Variants in BABAM2 observed in about 807,000 individuals in gnomAD.
BABAM2 encodes the protein BRISC and BRCA1 A complex member 2.
Under a neutral mutation model 54.7 loss-of-function variants are expected in BABAM2, and 31 were observed. The ratio of observed to expected loss-of-function variants is 0.57; its 90% CI spans 0.43 to 0.77. The LOEUF is 0.77. Among genes scored for constraint, BABAM2 ranks in the 30% least tolerant of loss-of-function variants. The pLI, the probability that BABAM2 is intolerant of heterozygous loss-of-function variation, is 0.00. For missense variants in BABAM2, 364 were observed against 455.8 expected, an observed-to-expected ratio of 0.80 and a Z score of 1.83; for synonymous variants, 167 against 162.9, an observed-to-expected ratio of 1.03 and a Z score of -0.19.
chr2:28,262,565 G>A (rs142225161), intron 10 of BABAM2, among the ~76,000 whole-genome samples: 1 of 152,148 alleles, frequency 6.6e-6, no homozygotes, highest in African/African-American at 2.4e-5. Flanking sequence ...AGAAGAAATA[G>A]GATGATTCCC....
chr2:28,049,575 T>C (rs1301596409), intron 6 of BABAM2, among the ~76,000 whole-genome samples: 1 of 152,226 alleles, frequency 6.6e-6, no homozygotes, highest in Non-Finnish European at 1.5e-5. Context: ...CTGTGGAATC[T>C]GAATCATGAC....
intron 2 of BABAM2, among the ~76,000 whole-genome samples, chr2:27,912,694 A>G (rs1321748940): frequency 6.6e-6 from 1 of 152,200 alleles, no homozygotes; most frequent in Non-Finnish European, 1.5e-5. Context: ...GCCACAGATT[A>G]TGCCAGCAGT....
chr2:27,962,207 G>C (rs758735640), intron 3 of BABAM2, among the ~76,000 whole-genome samples: 4 of 152,146 alleles, frequency 2.6e-5, no homozygotes, highest in Non-Finnish European at 5.9e-5. Context: ...CTGGGTTAAA[G>C]CAATCCTCCG....
chr2:28,316,372 T>TTGGGAG (rs371949632), intron 11 of BABAM2, among the ~76,000 whole-genome samples: 12 of 97,330 alleles, frequency 1.2e-4, no homozygotes, highest in East Asian at 3.7e-4. Context: ...CTGTGCATGT[T>TTGGGAG]TGGGAGTGGG....
chr2:28,190,308 T>C (rs1357235339), intron 7 of BABAM2, among the ~76,000 whole-genome samples: 1 of 152,204 alleles, frequency 6.6e-6, no homozygotes, highest in Non-Finnish European at 1.5e-5. Context: ...CACCGGCAGA[T>C]TGAGTGTCTG....
At chr2:28,061,196 T>C (rs900441061) in intron 6 of BABAM2, among the ~76,000 whole-genome samples, 1 of 152,044 alleles carries the variant, frequency 6.6e-6, no homozygotes, top group African/African-American at 2.4e-5. Flanking sequence ...ACGTGGACAA[T>C]TGATTTTTGA....
intron 7 of BABAM2, among the ~76,000 whole-genome samples, chr2:28,136,140 TC>T (rs1373472054): frequency 6.6e-6 from 1 of 152,182 alleles, no homozygotes; most frequent in South Asian, 2.1e-4. Flanking sequence ...TTTTTTCACT[TC>T]CATACCTTGC....
intron 6 of BABAM2, among the ~76,000 whole-genome samples, chr2:28,065,164 A>G (rs1248803742): frequency 6.6e-6 from 1 of 152,206 alleles, no homozygotes; most frequent in East Asian, 1.9e-4. Flanking sequence ...CCAAATTAAA[A>G]TCTACAAAGC....
chr2:28,146,102 T>C (rs1011098549), intron 7 of BABAM2, among the ~76,000 whole-genome samples: 3 of 152,250 alleles, frequency 2.0e-5, no homozygotes, highest in Non-Finnish European at 4.4e-5. Flanking sequence ...AAATGCCAAT[T>C]CAGACCTTTT....
chr2:28,273,265 A>G (rs1205737647), intron 10 of BABAM2, among the ~76,000 whole-genome samples: 2 of 152,216 alleles, frequency 1.3e-5, no homozygotes, highest in Non-Finnish European at 2.9e-5. Context: ...CAGTGGGTGC[A>G]GTGGTTCATG....
At chr2:28,008,904 A>C (rs1202368553) in intron 4 of BABAM2, among the ~76,000 whole-genome samples, 2 of 152,134 alleles carry the variant, frequency 1.3e-5, no homozygotes, top group Non-Finnish European at 2.9e-5. Flanking sequence ...GGATATGGGC[A>C]GCTCTGGATT....
At chr2:28,101,522 T>A (rs566154574) in intron 6 of BABAM2, among the ~76,000 whole-genome samples, 103 of 152,226 alleles carry the variant, frequency 6.8e-4, no homozygotes, top group Non-Finnish European at 1.2e-3. Context: ...TGGAGCAGAG[T>A]GAGGGCTGAG....
At chr2:28,146,988 C>T (rs1327350682) in intron 7 of BABAM2, among the ~76,000 whole-genome samples, 6 of 152,310 alleles carry the variant, frequency 3.9e-5, no homozygotes, top group Middle Eastern at 3.4e-3. Flanking sequence ...ATCTGCCCAT[C>T]GCAGACCTAA....
chr2:28,289,760 C>T (rs1263438708), intron 10 of BABAM2, among the ~76,000 whole-genome samples: 1 of 152,042 alleles, frequency 6.6e-6, no homozygotes, highest in African/African-American at 2.4e-5. Flanking sequence ...TACCACACTC[C>T]ACCCCGTGTG....
At chr2:28,282,502 C>T (rs1297751601) in intron 10 of BABAM2, among the ~76,000 whole-genome samples, 1 of 152,116 alleles carries the variant, frequency 6.6e-6, no homozygotes, top group Admixed American at 6.5e-5. Context: ...ATTTATAGCA[C>T]TTGTAGATAC....
chr2:28,118,667 A>G (rs2148745213), intron 6 of BABAM2, among the ~76,000 whole-genome samples: 2 of 151,934 alleles, frequency 1.3e-5, no homozygotes, highest in Admixed American at 1.3e-4. Flanking sequence ...CCCATTCTGT[A>G]GGTTGCCTGT....
chr2:27,990,593 TGG>T (rs1441391150), intron 4 of BABAM2, among the ~76,000 whole-genome samples: 1 of 152,168 alleles, frequency 6.6e-6, no homozygotes, highest in Non-Finnish European at 1.5e-5. Context: ...CCTTAGAACC[TGG>T]GAGTGTAGTC....
intron 2 of BABAM2, among the ~76,000 whole-genome samples, chr2:27,900,718 A>G (rs1428462452): frequency 6.6e-6 from 1 of 152,060 alleles, no homozygotes; most frequent in Non-Finnish European, 1.5e-5. Flanking sequence ...AATTCTTTTT[A>G]ATGACATTCC....
chr2:28,330,379 A>G (rs1259842861), intron 11 of BABAM2, among the ~76,000 whole-genome samples: 2 of 152,218 alleles, frequency 1.3e-5, no homozygotes, highest in Non-Finnish European at 1.5e-5. Flanking sequence ...ATAGGAAGAG[A>G]GTTAATCAAA....
Sources: gnomAD v4.1 joint callset for allele counts (sites outside exome capture counted in the v4.1 genomes callset) on GRCh38, gnomAD v4.1.1 for gene constraint, MANE v1.5 for transcripts, NCBI Gene and HGNC (gene_info 2026-07-23, HGNC 2026-07-21) for gene names.